Variants in CAMTA1 observed in about 807,000 individuals in gnomAD.
The protein encoded by CAMTA1 is calmodulin-binding transcription activator 1.
A neutral mutation model predicts 170.9 loss-of-function variants in CAMTA1; 27 were observed. The ratio of observed to expected loss-of-function variants is 0.16; its 90% CI spans 0.12 to 0.22. The LOEUF is 0.22. Among genes scored for constraint, CAMTA1 ranks in the 10% least tolerant of loss-of-function variants. The pLI, the probability that CAMTA1 is intolerant of heterozygous loss-of-function variation, is 1.00. For synonymous variants in CAMTA1, 833 were observed against 891.5 expected (o/e 0.93, Z 1.17); for missense variants, 1,619 against 2,217.2 (o/e 0.73, Z 5.42).
At chr1:6,899,570 A>G (rs1229221222) in intron 3 of CAMTA1, among the ~76,000 whole-genome samples, 17 of 151,904 alleles carry the variant, frequency 1.1e-4, no homozygotes, top group African/African-American at 3.9e-4. Flanking sequence ...ACACACACAC[A>G]CACACACACA....
intron 6 of CAMTA1, among the ~76,000 whole-genome samples, chr1:7,616,643 G>A (rs1199922192): frequency 6.6e-6 from 1 of 152,138 alleles, no homozygotes; most frequent in Admixed American, 6.5e-5. Flanking sequence ...TCCTGAGGGG[G>A]AATGGAGGGG....
chr1:7,501,439 A>G (rs1291509199), intron 6 of CAMTA1, among the ~76,000 whole-genome samples: 11 of 152,108 alleles, frequency 7.2e-5, no homozygotes, highest in Admixed American at 7.2e-4. Flanking sequence ...TGCTCGCCAA[A>G]GACATCTCAT....
intron 5 of CAMTA1, among the ~76,000 whole-genome samples, chr1:7,276,311 T>A (rs1490300762): frequency 1.9e-4 from 13 of 69,476 alleles, no homozygotes; most frequent in East Asian, 5.4e-4. Context: ...ATATTTTTTT[T>A]TTTTTTTTTT....
intron 6 of CAMTA1, among the ~76,000 whole-genome samples, chr1:7,549,056 G>A (rs2094758711): frequency 6.9e-6 from 1 of 144,090 alleles, no homozygotes; most frequent in Non-Finnish European, 1.5e-5. Context: ...CCCCCTTAGG[G>A]GTGGAGGTGC....
At chr1:7,487,414 A>G (rs1044051385) in intron 6 of CAMTA1, among the ~76,000 whole-genome samples, 1 of 152,204 alleles carries the variant, frequency 6.6e-6, no homozygotes, top group Non-Finnish European at 1.5e-5. Flanking sequence ...TAAAATGTTG[A>G]TATTTTGTTC....
chr1:7,137,273 A>G (rs1405863814), intron 4 of CAMTA1, among the ~76,000 whole-genome samples: 2 of 151,990 alleles, frequency 1.3e-5, no homozygotes, highest in Non-Finnish European at 2.9e-5. Flanking sequence ...TCCCACCCTC[A>G]CCTTTCTCCT....
chr1:7,031,685 G>A lies in CAMTA1; in HGVS notation c.235-59619G>A, dbSNP rs185968664. 1.3e-3 allele frequency among the ~76,000 whole-genome samples: 191 copies of A among 152,054 alleles called. 1 individual carries two copies. The highest frequency in any genetic ancestry group is 6.8e-3 in the Middle Eastern group (2 of 294). ...CTCCAGAGTAGCTGGGACTACAGGC[G>A]CGTGCCACCATGCCCAGCTAATTTT... On this transcript the variant is annotated intron_variant, in intron 3 of 22. Transcript: ENST00000303635.
intron 11 of CAMTA1, among the ~76,000 whole-genome samples, chr1:7,697,785 G>C (rs180951586): frequency 2.0e-5 from 3 of 152,256 alleles, no homozygotes; most frequent in South Asian, 2.1e-4. Flanking sequence ...TATTACAGCT[G>C]GCACCTTCCC....
chr1:7,466,520 G>C (rs1271035498), intron 5 of CAMTA1, among the ~76,000 whole-genome samples: 4 of 152,182 alleles, frequency 2.6e-5, no homozygotes, highest in Admixed American at 2.0e-4. Context: ...CCGCTCTTTT[G>C]GGGGTGTAAA....
chr1:6,916,336 T>C lies in CAMTA1; in HGVS notation c.234+91126T>C, dbSNP rs114032318. On this transcript the variant is annotated intron_variant, in intron 3 of 22. Coordinates refer to ENST00000303635, the MANE Select transcript of CAMTA1 (RefSeq NM_015215.4). ...CACTAAGACGATGGCCAAATTGAGT[T>C]AGGAGTGCCAGGAATCCAGATCCAG... 8.0e-3 allele frequency among the ~76,000 whole-genome samples: 1,222 copies of C among 152,168 alleles called. 20 individuals are homozygous for C. Among genetic ancestry groups the C allele is most frequent in the African/African-American group, 0.027 (1,134 of 41,508 alleles).
chr1:7,655,411 T>TACAC (rs145315260), intron 7 of CAMTA1, among the ~76,000 whole-genome samples: 9 of 146,830 alleles, frequency 6.1e-5, no homozygotes, highest in East Asian at 4.1e-4. Flanking sequence ...CACCCACCTA[T>TACAC]ACACACACAC....
intron 22 of CAMTA1, among the ~76,000 whole-genome samples, chr1:7,760,574 A>C (rs2096967097): frequency 6.6e-6 from 1 of 152,216 alleles, no homozygotes; most frequent in Admixed American, 6.5e-5. Flanking sequence ...AAATCTTCAA[A>C]GTAATTTTGT....
chr1:7,709,767 C>G (rs1397867374), intron 11 of CAMTA1, among the ~76,000 whole-genome samples: 1 of 152,194 alleles, frequency 6.6e-6, no homozygotes, highest in East Asian at 1.9e-4. Flanking sequence ...TGTAAATTAC[C>G]TTGTATCTCC....
intron 5 of CAMTA1, among the ~76,000 whole-genome samples, chr1:7,278,635 G>A (rs1671074063): frequency 6.6e-6 from 1 of 152,138 alleles, no homozygotes; most frequent in Admixed American, 6.5e-5. Context: ...CTTTCTCTAA[G>A]TCCAATCCTG....
intron 11 of CAMTA1, among the ~76,000 whole-genome samples, chr1:7,723,583 G>A (rs1185621308): frequency 6.6e-6 from 1 of 152,190 alleles, no homozygotes; most frequent in African/African-American, 2.4e-5. Context: ...AACGGAAAGA[G>A]AAAAATTGTA....
At chr1:7,461,809 G>A (rs1431932708) in intron 5 of CAMTA1, among the ~76,000 whole-genome samples, 1 of 152,242 alleles carries the variant, frequency 6.6e-6, no homozygotes, top group Non-Finnish European at 1.5e-5. Flanking sequence ...CAGGGGAAAA[G>A]GGCCATGCAT....
At chr1:7,259,106 C>T (rs1273184124) in intron 5 of CAMTA1, among the ~76,000 whole-genome samples, 1 of 152,170 alleles carries the variant, frequency 6.6e-6, no homozygotes, top group South Asian at 2.1e-4. Flanking sequence ...CCGCTGGCTC[C>T]GGCCCCTTGT....
intron 5 of CAMTA1, among the ~76,000 whole-genome samples, chr1:7,307,989 T>C (rs978255828): frequency 2.0e-5 from 3 of 152,028 alleles, no homozygotes; most frequent in Non-Finnish European, 4.4e-5. Context: ...TAGAGAATTT[T>C]TTTTTTCAGA....
In CAMTA1 at chr1:7,665,724, G is replaced by C. The variant is rs1036475136; in HGVS notation, c.2652+525G>C. 4.6e-5 allele frequency among the ~76,000 whole-genome samples: 7 copies of C among 151,780 alleles called. No individual in the cohort carries two copies. Among genetic ancestry groups the C allele is most frequent in the Non-Finnish European group, 1.0e-4 (7 of 67,942 alleles). ...AGTGAAACCCTGTCTCAAAAAAAAAGAGAGAAAGTCAGGGTATCCTTGGAA... is the reference window on the plus strand; with the variant it reads ...AGTGAAACCCTGTCTCAAAAAAAAACAGAGAAAGTCAGGGTATCCTTGGAA... On this transcript the variant is annotated intron_variant, in intron 9 of 22. Transcript: ENST00000303635. This position sits in a 1 kb window ranked among gnomAD's most constrained non-coding sequence, Gnocchi z 4.3.
Sources: allele counts gnomAD v4.1 joint callset (sites outside exome capture counted in the v4.1 genomes callset), GRCh38; gene constraint gnomAD v4.1.1; non-coding constraint Gnocchi (gnomAD v3.1); transcripts MANE v1.5; gene names NCBI Gene and HGNC (gene_info 2026-07-23, HGNC 2026-07-21).